Variants in NALCN observed in about 807,000 individuals in gnomAD.
NALCN encodes the protein sodium leak channel, non-selective.
In NALCN, 111 loss-of-function variants were observed where a neutral mutation model predicts 225.3. That is an observed-to-expected ratio of 0.49 (90% CI 0.42 to 0.58). The LOEUF (loss-of-function observed/expected upper bound fraction) is 0.58. NALCN is among the 20% of genes least tolerant of loss of function. NALCN has a pLI of 0.00. For missense variants in NALCN, 1,378 were observed against 2,202.4 expected (o/e 0.63, Z 7.49); for synonymous variants, 764 against 769.0 (o/e 0.99, Z 0.11).
At chr13:101,142,122 A>G (rs1410951315) in intron 17 of NALCN, among the ~76,000 whole-genome samples, 1 of 150,002 alleles carries the variant, frequency 6.7e-6, no homozygotes, top group Non-Finnish European at 1.5e-5. Context: ...TTATACCTAG[A>G]TAATACATTC....
At chr13:101,260,956 T>G (rs902129666) in intron 10 of NALCN, among the ~76,000 whole-genome samples, 1 of 152,238 alleles carries the variant, frequency 6.6e-6, no homozygotes, top group Admixed American at 6.5e-5. Flanking sequence ...CCCAGTCCAA[T>G]GTCCTGGAGA....
chr13:101,140,206 G>T (rs564350921), intron 17 of NALCN, among the ~76,000 whole-genome samples: 7 of 152,100 alleles, frequency 4.6e-5, no homozygotes, highest in African/African-American at 1.4e-4. Flanking sequence ...ATGTTGTATG[G>T]GATAAAACGT....
intron 1 of NALCN, among the ~76,000 whole-genome samples, chr13:101,401,843 G>A (rs1389822986): frequency 6.6e-6 from 1 of 151,888 alleles, no homozygotes; most frequent in African/African-American, 2.4e-5. Context: ...ACTAGCTCCT[G>A]GATCTCTAGA....
At chr13:101,094,853 G>A (rs576459749) in intron 28 of NALCN, among the ~76,000 whole-genome samples, 1 of 152,246 alleles carries the variant, frequency 6.6e-6, no homozygotes, top group East Asian at 1.9e-4. Context: ...AAAAGCAGAG[G>A]TGCTGTGACT....
At position 101,074,633 on chromosome 13, in the gene NALCN, C is replaced by A. The variant is rs773265468; in HGVS notation, c.3984G>T (p.Val1328=). Residue 1328 remains valine, a synonymous_variant, in exon 36 of 44, where the codon GTG becomes GTT. Coordinates refer to ENST00000251127, the MANE Select transcript of NALCN (RefSeq NM_052867.4). ...HVTLKMLLLT[V]VVSMYKSFFI... is the part of the protein sequence containing the mutation. ...AGAAGCTCTTGTACATGCTGACGACCACTGTCAAGAGGAGCATCTTTAGCG... is the reference window on the plus strand; with the variant it reads ...AGAAGCTCTTGTACATGCTGACGACAACTGTCAAGAGGAGCATCTTTAGCG... 22 of 1,612,592 alleles carry A rather than the reference C, an allele frequency of 1.4e-5. No homozygotes were observed. The highest frequency in any genetic ancestry group is 1.6e-4 in the Middle Eastern group (1 of 6,076).
chr13:101,059,726 G>T, intron 42 of NALCN, 92 bp downstream of exon 42: 4 of 1,047,342 alleles, frequency 3.8e-6, no homozygotes, highest in Non-Finnish European at 4.0e-6. Context: ...CACCTTGTTT[G>T]AATGATCTGA....
intron 10 of NALCN, among the ~76,000 whole-genome samples, chr13:101,279,876 T>TAAAA (rs1555328555): frequency 2.2e-3 from 335 of 148,994 alleles, no homozygotes; most frequent in Admixed American, 3.3e-3. Context: ...AATAAATAAA[T>TAAAA]AAAAAGAAGT....
chr13:101,216,611 A>G (rs1191202658), intron 13 of NALCN, among the ~76,000 whole-genome samples: 2 of 152,278 alleles, frequency 1.3e-5, no homozygotes, highest in East Asian at 1.9e-4. Flanking sequence ...AATTGAACTA[A>G]TAGTTTTAAA....
rs774000683 is a variant in NALCN, at chr13:101,191,908, T to C, written c.1764+9A>G. On this transcript the variant is annotated intron_variant, in intron 14 of 43. Coordinates refer to ENST00000251127, the MANE Select transcript of NALCN (RefSeq NM_052867.4). ...CAAGATATAATTGAAAAAAAAATGC[T>C]GAACTCACCAGAGTGGCAAAAAGAT... 2 of 1,600,790 alleles carry C rather than the reference T, an allele frequency of 1.2e-6. No individual in the cohort carries two copies. Among genetic ancestry groups the C allele is most frequent in the South Asian group, 1.1e-5 (1 of 88,908 alleles).
intron 7 of NALCN, among the ~76,000 whole-genome samples, chr13:101,323,238 A>G (rs2044818299): frequency 1.3e-5 from 2 of 152,208 alleles, no homozygotes; most frequent in African/African-American, 4.8e-5. Flanking sequence ...GTAGGTAGAG[A>G]CTGATGAATA....
chr13:101,191,830 T>G, intron 14 of NALCN, 87 bp downstream of exon 14: 1 of 1,405,458 alleles, frequency 7.1e-7, no homozygotes, highest in Non-Finnish European at 9.6e-7. Flanking sequence ...GGCTCCCATT[T>G]TGAAATTGAC....
At chr13:101,129,643 G>C (rs2139723118) in intron 17 of NALCN, among the ~76,000 whole-genome samples, 1 of 151,940 alleles carries the variant, frequency 6.6e-6, no homozygotes, top group Admixed American at 6.5e-5. Flanking sequence ...TCACTGCTAT[G>C]GAGTTGGTCA....
intron 6 of NALCN, among the ~76,000 whole-genome samples, chr13:101,368,138 A>T (rs1004579393): frequency 4.8e-5 from 7 of 145,428 alleles, no homozygotes; most frequent in Non-Finnish European, 7.5e-5. Flanking sequence ...TATCTCCTAA[A>T]GCTATCCCTC....
chr13:101,207,762 G>C (rs1161591540), intron 13 of NALCN, among the ~76,000 whole-genome samples: 1 of 152,202 alleles, frequency 6.6e-6, no homozygotes, highest in Non-Finnish European at 1.5e-5. Flanking sequence ...GGCCAGATAA[G>C]GGAATAAAAG....
chr13:101,314,911 T>A (rs1289699380), intron 7 of NALCN, among the ~76,000 whole-genome samples: 1 of 152,094 alleles, frequency 6.6e-6, no homozygotes, highest in Non-Finnish European at 1.5e-5. Flanking sequence ...ACTTGTTAGT[T>A]GGTTCCCACT....
intron 14 of NALCN, among the ~76,000 whole-genome samples, chr13:101,181,949 T>C (rs970974192): frequency 2.0e-5 from 3 of 151,838 alleles, no homozygotes; most frequent in Non-Finnish European, 4.4e-5. Context: ...CTGGCTAACA[T>C]GGTGAAACCC....
chr13:101,218,784 T>C (rs1176673543), intron 13 of NALCN, among the ~76,000 whole-genome samples: 2 of 152,150 alleles, frequency 1.3e-5, no homozygotes, highest in African/African-American at 2.4e-5. Context: ...GCTGTGATTG[T>C]AAGTTTCTTG....
At chr13:101,124,296 T>C (rs1427716127) in intron 18 of NALCN, among the ~76,000 whole-genome samples, 2 of 152,188 alleles carry the variant, frequency 1.3e-5, no homozygotes, top group African/African-American at 2.4e-5. Context: ...CAATTTCTCC[T>C]TTACATATCA....
At chr13:101,066,714 A>T (rs901896609) in intron 39 of NALCN, among the ~76,000 whole-genome samples, 1 of 152,140 alleles carries the variant, frequency 6.6e-6, no homozygotes, top group African/African-American at 2.4e-5. Context: ...AAAGCCCTCA[A>T]GACTGAAGCC....
Sources: gnomAD v4.1 joint callset for allele counts (sites outside exome capture counted in the v4.1 genomes callset) on GRCh38, gnomAD v4.1.1 for gene constraint, MANE v1.5 for transcripts, NCBI Gene and HGNC (gene_info 2026-07-23, HGNC 2026-07-21) for gene names.